Variants in TMEM108 observed in about 807,000 individuals in gnomAD.
TMEM108 encodes transmembrane protein 108, also known as cancer/testis antigen 124.
TMEM108 carries 12 observed loss-of-function variants against 35.1 expected under a neutral mutation model. The ratio of observed to expected loss-of-function variants is 0.34; its 90% CI spans 0.22 to 0.55. The LOEUF is 0.55. TMEM108 is among the 20% of genes least tolerant of loss of function. The pLI, the probability that TMEM108 is intolerant of heterozygous loss-of-function variation, is 0.89. For missense variants in TMEM108, 680 were observed against 753.3 expected, an observed-to-expected ratio of 0.90 and a Z score of 1.14; for synonymous variants, 287 against 308.6, an observed-to-expected ratio of 0.93 and a Z score of 0.73.
intron 2 of TMEM108, among the ~76,000 whole-genome samples, chr3:133,137,831 G>T (rs1004506531): frequency 1.3e-5 from 2 of 152,160 alleles, no homozygotes; most frequent in African/African-American, 4.8e-5. Flanking sequence ...TTGGGAGCAG[G>T]TCTCCTTGGT....
chr3:133,189,024 C>T (rs1945461740), intron 2 of TMEM108, among the ~76,000 whole-genome samples: 1 of 152,170 alleles, frequency 6.6e-6, no homozygotes, highest in South Asian at 2.1e-4. Context: ...AACTCAGTCA[C>T]ATGGCCCCAC....
At chr3:133,236,184 A>T (rs1361811765) in intron 3 of TMEM108, among the ~76,000 whole-genome samples, 1 of 152,136 alleles carries the variant, frequency 6.6e-6, no homozygotes, top group Non-Finnish European at 1.5e-5. Context: ...AATTTCTTAA[A>T]TCATGCTCTG....
intron 3 of TMEM108, among the ~76,000 whole-genome samples, chr3:133,333,783 T>C (rs998659265): frequency 1.3e-5 from 2 of 152,236 alleles, no homozygotes; most frequent in African/African-American, 4.8e-5. Context: ...AGTCAATTTG[T>C]GTATTTTCAT....
intron 2 of TMEM108, among the ~76,000 whole-genome samples, chr3:133,219,344 CATTT>C (rs1026964475): frequency 6.6e-6 from 1 of 151,994 alleles, no homozygotes; most frequent in African/African-American, 2.4e-5. Context: ...GTCTCTCTGT[CATTT>C]ATTTATGCTT....
chr3:133,217,708 T>A (rs1399944909), intron 2 of TMEM108, among the ~76,000 whole-genome samples: 1 of 152,108 alleles, frequency 6.6e-6, no homozygotes. Context: ...TAATGTGTTC[T>A]TGGCATCTTT....
chr3:133,073,508 C>CTATATATATATATATATATA (rs1273905276), intron 2 of TMEM108, among the ~76,000 whole-genome samples: 1 of 68,988 alleles, frequency 1.4e-5, no homozygotes. Context: ...CTCTCTCTCT[C>CTATATATATATATATATATA]TCTATATATA....
intron 2 of TMEM108, among the ~76,000 whole-genome samples, chr3:133,127,837 A>G (rs1425693873): frequency 6.6e-6 from 1 of 152,184 alleles, no homozygotes; most frequent in Non-Finnish European, 1.5e-5. Context: ...TATCAAGGTC[A>G]ATGTTGTTGA....
intron 2 of TMEM108, among the ~76,000 whole-genome samples, chr3:133,211,255 C>G (rs1193108770): frequency 1.3e-5 from 2 of 152,100 alleles, no homozygotes; most frequent in Non-Finnish European, 2.9e-5. Context: ...TTTCTATGAC[C>G]TTACCTCCCT....
intron 2 of TMEM108, among the ~76,000 whole-genome samples, chr3:133,120,409 C>T (rs1304886360): frequency 5.3e-5 from 8 of 152,264 alleles, no homozygotes; most frequent in East Asian, 1.9e-4. Context: ...TCACATTTAG[C>T]GTTCAAGCCC....
rs1335197906 is a variant in TMEM108 at position 133,397,287 on chromosome 3, A to AGAT, written c.*1303_*1305dup. 6.6e-6 allele frequency: 1 copy of AGAT among 152,152 alleles called. No individual in the cohort carries two copies. Among genetic ancestry groups the AGAT allele is most frequent in the African/African-American group, 2.4e-5 (1 of 41,420 alleles). 9.4% of individuals were successfully genotyped at this position (152,152 alleles called of 1,614,324 possible). ...TAGTTTGATAGTATATTTTGAATAT[A>AGAT]GATGCTCTTATAGTCAGATTGGGAA... On this transcript the variant is annotated 3_prime_UTR_variant, in exon 6 of 6. Coordinates refer to ENST00000321871, the MANE Select transcript of TMEM108 (RefSeq NM_023943.4).
intron 2 of TMEM108, among the ~76,000 whole-genome samples, chr3:133,074,867 ATGTG>A (rs1469401354): frequency 1.3e-5 from 2 of 152,222 alleles, no homozygotes; most frequent in Non-Finnish European, 2.9e-5. Flanking sequence ...TTTCTACTGA[ATGTG>A]TATTACTTTT....
At chr3:133,153,018 G>A (rs1309344767) in intron 2 of TMEM108, among the ~76,000 whole-genome samples, 1 of 152,126 alleles carries the variant, frequency 6.6e-6, no homozygotes, top group African/African-American at 2.4e-5. Flanking sequence ...AGGGTTGGTT[G>A]TGTTCTCTGT....
intron 2 of TMEM108, among the ~76,000 whole-genome samples, chr3:133,199,387 T>C (rs1945626781): frequency 6.6e-6 from 1 of 152,220 alleles, no homozygotes; most frequent in South Asian, 2.1e-4. Flanking sequence ...TTTCAGCTTT[T>C]CTACTCTGAT....
intron 1 of TMEM108, among the ~76,000 whole-genome samples, chr3:133,039,446 C>T (rs1196593114): frequency 6.6e-6 from 1 of 152,068 alleles, no homozygotes; most frequent in Non-Finnish European, 1.5e-5. Flanking sequence ...ATTTGGCTGC[C>T]AAAAGAGGTT....
chr3:133,320,295 T>TA (rs890106877), intron 3 of TMEM108, among the ~76,000 whole-genome samples: 1 of 148,460 alleles, frequency 6.7e-6, no homozygotes, highest in Admixed American at 6.7e-5. Context: ...AGGATATGGA[T>TA]AAAAAATGCT....
intron 2 of TMEM108, among the ~76,000 whole-genome samples, chr3:133,110,638 A>G (rs1944213808): frequency 6.6e-6 from 1 of 152,134 alleles, no homozygotes; most frequent in Non-Finnish European, 1.5e-5. Flanking sequence ...GTGTTATATC[A>G]CAGGGCCAGA....
intron 3 of TMEM108, among the ~76,000 whole-genome samples, chr3:133,274,051 T>C (rs751938966): frequency 6.6e-6 from 1 of 152,230 alleles, no homozygotes; most frequent in Non-Finnish European, 1.5e-5. Context: ...CACCCAGTCC[T>C]ATGTGACTCC....
intron 1 of TMEM108, among the ~76,000 whole-genome samples, chr3:133,043,625 C>A (rs1381006037): frequency 1.3e-5 from 2 of 152,134 alleles, no homozygotes; most frequent in Non-Finnish European, 2.9e-5. Context: ...CCTTCTCCCC[C>A]AATCTGACTT....
intron 3 of TMEM108, chr3:133,245,971 C>T (rs1946380355): frequency 6.7e-6 from 1 of 150,232 alleles, no homozygotes; most frequent in African/African-American, 2.5e-5. Context: ...TTTTTTCAGA[C>T]CAGGTCTTTT....
Sources: allele counts gnomAD v4.1 joint callset (sites outside exome capture counted in the v4.1 genomes callset), GRCh38; gene constraint gnomAD v4.1.1; transcripts MANE v1.5; gene names NCBI Gene and HGNC (gene_info 2026-07-23, HGNC 2026-07-21).